Variants in FOXP1 observed in about 807,000 individuals in gnomAD.
FOXP1 encodes the protein forkhead box protein P1.
In FOXP1, 15 loss-of-function variants were observed where a neutral mutation model predicts 98.2. The ratio of observed to expected loss-of-function variants is 0.15; its 90% CI spans 0.10 to 0.24. The LOEUF (loss-of-function observed/expected upper bound fraction) is 0.24. FOXP1 is among the 10% of genes least tolerant of loss of function. FOXP1 has a pLI of 1.00. For missense variants in FOXP1, 633 were observed against 848.5 expected, an observed-to-expected ratio of 0.75 and a Z score of 3.15; for synonymous variants, 371 against 314.5, an observed-to-expected ratio of 1.18 and a Z score of -1.90.
At chr3:71,370,224 G>A (rs540201700) in intron 3 of FOXP1, among the ~76,000 whole-genome samples, 72 of 152,132 alleles carry the variant, frequency 4.7e-4, no homozygotes, top group Admixed American at 1.4e-3. Context: ...AACCAAAACA[G>A]GGCCAAATAG....
chr3:71,505,755 G>T (rs979735132), intron 2 of FOXP1, among the ~76,000 whole-genome samples: 1 of 151,986 alleles, frequency 6.6e-6, no homozygotes, highest in Non-Finnish European at 1.5e-5. Flanking sequence ...TTCTTCTCTC[G>T]GTCTCCCTTC....
intron 3 of FOXP1, among the ~76,000 whole-genome samples, chr3:71,447,785 G>C (rs147070579): frequency 9.2e-5 from 14 of 152,178 alleles, no homozygotes; most frequent in Admixed American, 8.5e-4. Context: ...TGGGGCAGGG[G>C]GAGAGGGGTT....
At chr3:71,072,974 C>A (rs1413360640) in intron 7 of FOXP1, among the ~76,000 whole-genome samples, 1 of 152,162 alleles carries the variant, frequency 6.6e-6, no homozygotes, top group African/African-American at 2.4e-5. Context: ...ATGCGTCTAG[C>A]CTGCAGGCCA....
chr3:71,371,299 C>G (rs948948000), intron 3 of FOXP1, among the ~76,000 whole-genome samples: 7 of 152,132 alleles, frequency 4.6e-5, no homozygotes, highest in African/African-American at 1.2e-4. Flanking sequence ...CCAGGGCCAG[C>G]TGAGTCTGTC....
At chr3:71,012,825 A>G (rs2043847653) in intron 12 of FOXP1, among the ~76,000 whole-genome samples, 1 of 152,182 alleles carries the variant, frequency 6.6e-6, no homozygotes, top group Non-Finnish European at 1.5e-5. Context: ...ATGGTCCCCA[A>G]CACCCAATTT....
intron 3 of FOXP1, among the ~76,000 whole-genome samples, chr3:71,375,244 G>A (rs187557381): frequency 6.6e-6 from 1 of 152,258 alleles, no homozygotes; most frequent in Admixed American, 6.5e-5. Flanking sequence ...GTAGAGAACT[G>A]GACAAGGGTT....
intron 2 of FOXP1, among the ~76,000 whole-genome samples, chr3:71,554,476 C>A (rs992406270): frequency 6.6e-6 from 1 of 152,080 alleles, no homozygotes; most frequent in Non-Finnish European, 1.5e-5. Flanking sequence ...ATGTTAGATG[C>A]TTTACCTTCA....
chr3:71,327,830 C>A (rs997238601), intron 4 of FOXP1, among the ~76,000 whole-genome samples: 1 of 152,170 alleles, frequency 6.6e-6, no homozygotes, highest in African/African-American at 2.4e-5. Context: ...CTAACTCACT[C>A]TTTTTGCTTA....
intron 4 of FOXP1, among the ~76,000 whole-genome samples, chr3:71,355,372 C>T (rs1023566550): frequency 1.3e-5 from 2 of 152,140 alleles, no homozygotes; most frequent in African/African-American, 4.8e-5. Flanking sequence ...AGGGCTGTAA[C>T]ATATGGAACA....
At chr3:71,564,683 A>C (rs1047064205) in intron 2 of FOXP1, among the ~76,000 whole-genome samples, 1 of 152,246 alleles carries the variant, frequency 6.6e-6, no homozygotes, top group Non-Finnish European at 1.5e-5. Flanking sequence ...TTATCCCTGG[A>C]GTTAAATGTC....
At chr3:71,375,946 T>C (rs984711440) in intron 3 of FOXP1, among the ~76,000 whole-genome samples, 4 of 152,154 alleles carry the variant, frequency 2.6e-5, no homozygotes, top group African/African-American at 9.7e-5. Flanking sequence ...ATGGTAGGGA[T>C]GGAGACATAA....
chr3:71,139,653 C>A (rs953949724), intron 6 of FOXP1, among the ~76,000 whole-genome samples: 4 of 150,856 alleles, frequency 2.7e-5, no homozygotes, highest in African/African-American at 1.0e-4. Flanking sequence ...TTCCTCGGCT[C>A]TATGGATGTC....
At chr3:71,464,434 G>GC (rs1052423621) in intron 3 of FOXP1, among the ~76,000 whole-genome samples, 1 of 152,142 alleles carries the variant, frequency 6.6e-6, no homozygotes, top group Non-Finnish European at 1.5e-5. Context: ...CTCCTTAAAG[G>GC]CCCCACACAA....
chr3:71,534,091 C>A (rs906159934), intron 2 of FOXP1, among the ~76,000 whole-genome samples: 1 of 152,156 alleles, frequency 6.6e-6, no homozygotes, highest in Non-Finnish European at 1.5e-5. Flanking sequence ...CAGCTGTGCG[C>A]GGTGGCAAAC....
At chr3:71,302,431 A>G (rs571670992) in intron 4 of FOXP1, among the ~76,000 whole-genome samples, 2 of 151,874 alleles carry the variant, frequency 1.3e-5, no homozygotes, top group South Asian at 4.2e-4. Flanking sequence ...TTACTTATCA[A>G]ATAGATCAAC....
chr3:71,058,338 TA>T (rs965216291), intron 7 of FOXP1, among the ~76,000 whole-genome samples: 4 of 152,150 alleles, frequency 2.6e-5, no homozygotes, highest in African/African-American at 9.7e-5. Context: ...AAAGAGAAGA[TA>T]AAAAATGCTA....
chr3:71,561,456 C>T (rs1260440174), intron 2 of FOXP1, among the ~76,000 whole-genome samples: 1 of 150,050 alleles, frequency 6.7e-6, no homozygotes, highest in East Asian at 1.9e-4. Context: ...GGCCAAGGTC[C>T]CTAGTCACCA....
chr3:71,146,320 G>T (rs1208400588), intron 6 of FOXP1, among the ~76,000 whole-genome samples: 1 of 152,128 alleles, frequency 6.6e-6, no homozygotes, highest in African/African-American at 2.4e-5. Flanking sequence ...CCCAAACATG[G>T]ACCTCCTTAT....
intron 4 of FOXP1, among the ~76,000 whole-genome samples, chr3:71,309,247 C>A (rs186728328): frequency 5.9e-5 from 9 of 152,262 alleles, no homozygotes; most frequent in Admixed American, 5.9e-4. Context: ...TGCAAAAATT[C>A]TTTCCCTGAA....
Sources: allele counts gnomAD v4.1 joint callset (sites outside exome capture counted in the v4.1 genomes callset), GRCh38; gene constraint gnomAD v4.1.1; transcripts MANE v1.5; gene names NCBI Gene and HGNC (gene_info 2026-07-23, HGNC 2026-07-21).